Variants in LDLRAD4 observed in about 807,000 individuals in gnomAD.
LDLRAD4 encodes the protein low-density lipoprotein receptor class A domain-containing protein 4.
Under a neutral mutation model 17.0 loss-of-function variants are expected in LDLRAD4, and 5 were observed. The observed-to-expected ratio is 0.29, with a 90% CI of 0.15 to 0.62. LDLRAD4 has a LOEUF of 0.62. Ranked by LOEUF, LDLRAD4 falls within the 20% of genes least tolerant of loss-of-function variation. The pLI, the probability that LDLRAD4 is intolerant of heterozygous loss-of-function variation, is 0.84. For missense variants in LDLRAD4, 340 were observed against 424.7 expected (o/e 0.80, Z 1.75); for synonymous variants, 168 against 171.8 (o/e 0.98, Z 0.17).
chr18:13,492,113 C>A (rs1324493309), intron 3 of LDLRAD4, among the ~76,000 whole-genome samples: 2 of 152,172 alleles, frequency 1.3e-5, no homozygotes, highest in Non-Finnish European at 2.9e-5. Flanking sequence ...CACCAAGACC[C>A]AAGACACCAA....
At chr18:13,501,226 A>G (rs1456796048) in intron 3 of LDLRAD4, 2 of 152,034 alleles carry the variant, frequency 1.3e-5, no homozygotes, top group African/African-American at 4.8e-5. Context: ...AAATAGGTAC[A>G]GTGGCTGAGT....
intron 1 of LDLRAD4, among the ~76,000 whole-genome samples, chr18:13,345,127 G>A (rs973143612): frequency 6.6e-6 from 1 of 152,150 alleles, no homozygotes; most frequent in Admixed American, 6.5e-5. Context: ...TGTTGAATAG[G>A]AGTGGTGAGA....
rs1380137465 is a variant in LDLRAD4, at chr18:13,622,182, G to A, written c.336+911G>A. On this transcript the variant is annotated intron_variant, in intron 4 of 5. Coordinates refer to ENST00000359446, the Ensembl canonical transcript of LDLRAD4. This position sits in a 1 kb window ranked among gnomAD's most constrained non-coding sequence, Gnocchi z 5.3. ...CCCTGACTTACAGAGCCTGTCCAGGGTATGGGGTGCAGCTGTCCAGGTGGG... is the reference window on the plus strand; with the variant it reads ...CCCTGACTTACAGAGCCTGTCCAGGATATGGGGTGCAGCTGTCCAGGTGGG... 6.6e-6 allele frequency among the ~76,000 whole-genome samples: 1 copy of A among 152,172 alleles called. No homozygotes were observed. The highest frequency in any genetic ancestry group is 6.5e-5 in the Admixed American group (1 of 15,276).
At chr18:13,236,609 T>A (rs2042351715) in intron 1 of LDLRAD4, 1 of 152,370 alleles carries the variant, frequency 6.6e-6, no homozygotes, top group Admixed American at 6.5e-5. Flanking sequence ...AGCCACCACG[T>A]CTGGCCTAGA....
chr18:13,597,506 TTC>T (rs58235384), intron 3 of LDLRAD4, among the ~76,000 whole-genome samples: 24 of 148,130 alleles, frequency 1.6e-4, no homozygotes, highest in South Asian at 2.2e-4. Context: ...TTCTGCTCAT[TTC>T]TCTCTCTCTC....
chr18:13,431,022 A>G (rs1013364162), intron 2 of LDLRAD4, among the ~76,000 whole-genome samples: 1 of 152,240 alleles, frequency 6.6e-6, no homozygotes, highest in Non-Finnish European at 1.5e-5. Context: ...GGAATTAGGT[A>G]CTTTATTAGT....
Position 13,497,151 on chromosome 18 carries a change from T to C in LDLRAD4, c.181+58767T>C, listed in dbSNP as rs577175289. Among the ~76,000 whole-genome samples the C allele has an allele frequency of 2.6e-5, 4 of 152,318 alleles. No homozygotes were observed. The South Asian group carries it at 8.3e-4, about 32-fold the overall frequency. ...GACTGCTTAGTTACAGAGCATTTTA[T>C]TTAGCTTCCTTTTATTTCAACTTAA... On this transcript the variant is annotated intron_variant, in intron 3 of 5. Coordinates refer to ENST00000359446, the Ensembl canonical transcript of LDLRAD4.
chr18:13,352,164 A>C (rs1455854614), intron 1 of LDLRAD4, among the ~76,000 whole-genome samples: 1 of 152,234 alleles, frequency 6.6e-6, no homozygotes, highest in Non-Finnish European at 1.5e-5. Flanking sequence ...ATCATACTGA[A>C]TGGGCAAAAG....
At chr18:13,493,262 C>G (rs1407252666) in intron 3 of LDLRAD4, among the ~76,000 whole-genome samples, 3 of 152,162 alleles carry the variant, frequency 2.0e-5, no homozygotes, top group Non-Finnish European at 2.9e-5. Context: ...ATGTCCTCAC[C>G]CCAAGGCCAG....
In LDLRAD4 at chr18:13,398,297, T is replaced by C. The variant is rs1322869748; in HGVS notation, c.40+10535T>C. On this transcript the variant is annotated intron_variant, in intron 2 of 5. Transcript: ENST00000359446. This position sits in a 1 kb window ranked among gnomAD's most constrained non-coding sequence, Gnocchi z 4.8. Reference sequence around the variant, plus strand: ...TACCTTAGATAACCTCACTGGCGTTTGTCATTCTGCTTTTGGAATGCTTAG... The same window carrying C: ...TACCTTAGATAACCTCACTGGCGTTCGTCATTCTGCTTTTGGAATGCTTAG... Among the ~76,000 whole-genome samples, 1 of 152,160 alleles carries C rather than the reference T, an allele frequency of 6.6e-6. No individual in the cohort carries two copies. The highest frequency in any genetic ancestry group is 1.5e-5 in the Non-Finnish European group (1 of 68,040).
At chr18:13,611,410 C>G (rs998171737) in intron 3 of LDLRAD4, 8 of 978,480 alleles carry the variant, frequency 8.2e-6, no homozygotes, top group African/African-American at 3.5e-5. Flanking sequence ...ACGGCCACCC[C>G]GTGATTTTCT....
At chr18:13,482,682 TG>T (rs2093122654) in intron 3 of LDLRAD4, among the ~76,000 whole-genome samples, 1 of 151,870 alleles carries the variant, frequency 6.6e-6, no homozygotes, top group Admixed American at 6.6e-5. Flanking sequence ...AGGAGATGAG[TG>T]GACTCAAGAG....
intron 3 of LDLRAD4, among the ~76,000 whole-genome samples, chr18:13,553,240 T>G (rs142982677): frequency 3.3e-5 from 5 of 152,314 alleles, no homozygotes; most frequent in African/African-American, 1.2e-4. Flanking sequence ...GGTCTCCTGT[T>G]TGGTACATGT....
At chr18:13,650,231 G>T in exon 6 of LDLRAD4, 1 of 403,470 alleles carries the variant, frequency 2.5e-6, no homozygotes. Flanking sequence ...GTTACTGCCA[G>T]GGTCAGACAG....
chr18:13,492,068 T>A (rs1290124756), intron 3 of LDLRAD4, among the ~76,000 whole-genome samples: 1 of 152,178 alleles, frequency 6.6e-6, no homozygotes, highest in African/African-American at 2.4e-5. Flanking sequence ...TGCCCCCCAC[T>A]GAAAATGCAA....
At chr18:13,441,165 G>C (rs2090998786) in intron 3 of LDLRAD4, among the ~76,000 whole-genome samples, 1 of 152,216 alleles carries the variant, frequency 6.6e-6, no homozygotes, top group Non-Finnish European at 1.5e-5. Flanking sequence ...GTATTGAATG[G>C]CTATATATTC....
intron 1 of LDLRAD4, among the ~76,000 whole-genome samples, chr18:13,244,805 C>A (rs1400811661): frequency 2.0e-5 from 3 of 152,128 alleles, no homozygotes; most frequent in Non-Finnish European, 4.4e-5. Context: ...GTGGATTGAC[C>A]TCATGGTTGA....
At chr18:13,478,021 GCTTCGGACCTA>G (rs1179055071) in intron 3 of LDLRAD4, among the ~76,000 whole-genome samples, 4 of 152,178 alleles carry the variant, frequency 2.6e-5, no homozygotes, top group African/African-American at 9.7e-5. Flanking sequence ...CCTCCTTCCT[GCTTCGGACCTA>G]CTTCTGATAC....
rs563999249 is a variant in LDLRAD4, at chr18:13,453,219, C to T, written c.181+14835C>T. The stretch of plus-strand genomic sequence containing the variant: ...ATTGCTCCTGGTGTGCCTGTGGTTG[C>T]GTGCACGTGCTCGCGTTTTGGAAAT... On this transcript the variant is annotated intron_variant, in intron 3 of 5. Transcript: ENST00000359446. 1.1e-3 allele frequency among the ~76,000 whole-genome samples: 163 copies of T among 152,234 alleles called. 1 individual carries two copies. Among genetic ancestry groups the T allele is most frequent in the South Asian group, 4.6e-3 (22 of 4,818 alleles).
Sources: allele counts gnomAD v4.1 joint callset (sites outside exome capture counted in the v4.1 genomes callset), GRCh38; gene constraint gnomAD v4.1.1; non-coding constraint Gnocchi (gnomAD v3.1); transcripts MANE v1.5; gene names NCBI Gene and HGNC (gene_info 2026-07-23, HGNC 2026-07-21).